Variants in ALG14 observed in about 807,000 individuals in gnomAD.
ALG14 encodes UDP-N-acetylglucosamine transferase subunit ALG14.
A neutral mutation model predicts 22.8 loss-of-function variants in ALG14; 17 were observed. The observed-to-expected ratio is 0.75, with a 90% CI of 0.51 to 1.12. The LOEUF (loss-of-function observed/expected upper bound fraction) is 1.12, where lower values mean the gene tolerates loss of function less well. ALG14 is among the 50% of genes most tolerant of loss of function. ALG14 has a pLI of 0.00. For synonymous variants in ALG14, 89 were observed against 103.7 expected, an observed-to-expected ratio of 0.86 and a Z score of 0.86; for missense variants, 288 against 271.8, an observed-to-expected ratio of 1.06 and a Z score of -0.42.
In ALG14 at chr1:95,013,833, G is replaced by A. The variant is rs765702315; in HGVS notation, c.420+13296C>T. Among the ~76,000 whole-genome samples the A allele has an allele frequency of 3.3e-5, 5 of 151,170 alleles. No homozygotes were observed. In the East Asian group the frequency reaches 7.8e-4, roughly 23 times the overall value. ...TAGACTCCAGCTTGGATATTTTACT[G>A]TTCTCAGGTTCCAGTGAGATAAAAT... On this transcript the variant is annotated intron_variant, in intron 3 of 3. Transcript: ENST00000370205.
intron 2 of ALG14, among the ~76,000 whole-genome samples, chr1:95,060,712 T>C (rs920073199): frequency 6.6e-6 from 1 of 151,408 alleles, no homozygotes; most frequent in Non-Finnish European, 1.5e-5. Context: ...TGAGACTCTG[T>C]TTAAAAAAAA....
At chr1:95,070,383 C>T (rs1675520570) in intron 1 of ALG14, among the ~76,000 whole-genome samples, 1 of 152,196 alleles carries the variant, frequency 6.6e-6, no homozygotes, top group African/African-American at 2.4e-5. Context: ...ATTTCTGCCT[C>T]ATCAGTGATT....
chr1:95,036,889 G>C (rs953676830), intron 2 of ALG14, among the ~76,000 whole-genome samples: 1 of 152,172 alleles, frequency 6.6e-6, no homozygotes, highest in Admixed American at 6.5e-5. Context: ...AGGAGGGCTA[G>C]CTGAGATCAG....
At chr1:95,041,759 A>G (rs922282795) in intron 2 of ALG14, 3 of 152,208 alleles carry the variant, frequency 2.0e-5, no homozygotes, top group Non-Finnish European at 4.4e-5. Context: ...CGAAGTTAGC[A>G]CCCCACCTTG....
intron 3 of ALG14, among the ~76,000 whole-genome samples, chr1:95,013,135 A>G (rs1282868726): frequency 1.3e-5 from 2 of 151,272 alleles, no homozygotes; most frequent in East Asian, 1.9e-4. Context: ...AAAAAGAAAC[A>G]ATAAAAAAAA....
At chr1:95,004,837 G>A (rs1421009966) in intron 3 of ALG14, among the ~76,000 whole-genome samples, 5 of 140,378 alleles carry the variant, frequency 3.6e-5, no homozygotes, top group East Asian at 2.0e-4. Flanking sequence ...ACAGAATCTC[G>A]CTCTGTTGCC....
chr1:95,072,763 C>T lies in ALG14; in HGVS notation c.136G>A (p.Gly46Ser), dbSNP rs773144547. ...SLSILVVAGS[G>S]GHTTEILRLL... ...CGACAGTCGCCTCCTCGATACTTAC[C>T]GGACCCAGCCACTACCAAGATACTG... Residue 46 changes from glycine (G) to serine (S), a missense_variant and splice_region_variant, in exon 1 of 4, where the codon GGT (glycine) becomes AGT (serine). Physicochemically the swap from Gly to Ser is moderately conservative, Grantham distance 56. Transcript: ENST00000370205. 1.9e-6 allele frequency: 3 copies of T among 1,614,002 alleles called. No homozygotes were observed. The East Asian group carries it at 6.7e-5, about 36-fold the overall frequency.
At chr1:95,026,496 GTGTGTGTA>G (rs1328269445) in intron 3 of ALG14, among the ~76,000 whole-genome samples, 5 of 151,798 alleles carry the variant, frequency 3.3e-5, no homozygotes, top group African/African-American at 1.2e-4. Flanking sequence ...GTGTGTGTGT[GTGTGTGTA>G]TGTGTGTGTG....
intron 2 of ALG14, among the ~76,000 whole-genome samples, chr1:95,035,036 T>A (rs1490566921): frequency 6.6e-6 from 1 of 152,154 alleles, no homozygotes; most frequent in East Asian, 1.9e-4. Flanking sequence ...AAAATCAAAA[T>A]AAGAACACAA....
At chr1:95,031,484 C>T (rs544108516) in intron 2 of ALG14, among the ~76,000 whole-genome samples, 39 of 152,152 alleles carry the variant, frequency 2.6e-4, no homozygotes, top group African/African-American at 3.9e-4. Flanking sequence ...AAATCCTATC[C>T]GATCTTTCTC....
At chr1:95,005,729 T>G (rs1673201172) in intron 3 of ALG14, among the ~76,000 whole-genome samples, 1 of 152,148 alleles carries the variant, frequency 6.6e-6, no homozygotes, top group South Asian at 2.1e-4. Flanking sequence ...TATAGTCTGG[T>G]TCTTCATGGA....
chr1:95,043,550 A>G (rs372531336), intron 2 of ALG14, among the ~76,000 whole-genome samples: 2 of 152,180 alleles, frequency 1.3e-5, no homozygotes, highest in African/African-American at 4.8e-5. Flanking sequence ...TACCGCCTCT[A>G]CTGAGAACTA....
intron 2 of ALG14, among the ~76,000 whole-genome samples, chr1:95,039,743 C>T (rs774655005): frequency 4.6e-5 from 7 of 152,014 alleles, no homozygotes; most frequent in Non-Finnish European, 5.9e-5. Flanking sequence ...GGCAAGTGGA[C>T]GGAGGAAGAC....
At chr1:95,054,198 G>C (rs753578325) in intron 2 of ALG14, among the ~76,000 whole-genome samples, 1 of 152,156 alleles carries the variant, frequency 6.6e-6, no homozygotes, top group Non-Finnish European at 1.5e-5. Context: ...ATCTCATGTC[G>C]AATTGTAATC....
chr1:94,988,127 C>G (rs992942829), intron 3 of ALG14, among the ~76,000 whole-genome samples: 2 of 152,100 alleles, frequency 1.3e-5, no homozygotes, highest in African/African-American at 4.8e-5. Context: ...GTCAAGGGTT[C>G]TGTCAAAATC....
chr1:94,991,607 T>A (rs1672775525), intron 3 of ALG14, among the ~76,000 whole-genome samples: 1 of 152,066 alleles, frequency 6.6e-6, no homozygotes, highest in African/African-American at 2.4e-5. Context: ...AGTCAGTGAG[T>A]GGTGAGTGAG....
chr1:95,011,910 T>C (rs1673374960), intron 3 of ALG14, among the ~76,000 whole-genome samples: 1 of 152,258 alleles, frequency 6.6e-6, no homozygotes, highest in African/African-American at 2.4e-5. Flanking sequence ...GGCTTGGCTA[T>C]GTCCCCACCC....
At chr1:95,064,318 T>C (rs965510817) in intron 2 of ALG14, among the ~76,000 whole-genome samples, 1 of 152,214 alleles carries the variant, frequency 6.6e-6, no homozygotes, top group African/African-American at 2.4e-5. Flanking sequence ...CAATACTATG[T>C]TGAATAGGAG....
chr1:95,014,615 A>G (rs1024539292), intron 3 of ALG14, among the ~76,000 whole-genome samples: 4 of 152,218 alleles, frequency 2.6e-5, no homozygotes, highest in African/African-American at 9.6e-5. Context: ...CAAAATAAAA[A>G]CAAATTTGTA....
Sources: allele counts gnomAD v4.1 joint callset (sites outside exome capture counted in the v4.1 genomes callset), GRCh38; gene constraint gnomAD v4.1.1; transcripts MANE v1.5; gene names NCBI Gene and HGNC (gene_info 2026-07-23, HGNC 2026-07-21).